The following KIRREL3 variants were observed in gnomAD, a reference collection of about 807,000 sequenced individuals.
KIRREL3 encodes the protein kin of IRRE-like protein 3.
In KIRREL3, 36 loss-of-function variants were observed where a neutral mutation model predicts 89.7. That is an observed-to-expected ratio of 0.40 (90% confidence interval 0.31 to 0.53). The LOEUF (loss-of-function observed/expected upper bound fraction) is 0.53. Among genes scored for constraint, KIRREL3 ranks in the 20% least tolerant of loss-of-function variants. The pLI is 0.49. For synonymous variants in KIRREL3, 445 were observed against 441.4 expected, an observed-to-expected ratio of 1.01 and a Z score of -0.10; for missense variants, 864 against 1,056.6, an observed-to-expected ratio of 0.82 and a Z score of 2.53.
intron 1 of KIRREL3, among the ~76,000 whole-genome samples, chr11:126,823,990 A>G (rs1460236095): frequency 1.3e-5 from 2 of 152,160 alleles, no homozygotes; most frequent in Non-Finnish European, 2.9e-5. Context: ...CATCTCTCAA[A>G]ATAAGATCAA....
At position 126,807,759 on chromosome 11, in the gene KIRREL3, G is replaced by T. The variant is rs909240285; in HGVS notation, c.55+192696C>A. 2.6e-4 allele frequency among the ~76,000 whole-genome samples: 40 copies of T among 152,180 alleles called. No individual in the cohort carries two copies. The highest frequency in any genetic ancestry group is 3.2e-3 in the Middle Eastern group (1 of 316). On this transcript the variant is annotated intron_variant, in intron 1 of 16. Transcript: ENST00000525144. The surrounding 1 kb of genome is among the most constrained non-coding windows in gnomAD (Gnocchi z 4.3). ...TCTTCTACATGTCTACTCTGATGTG[G>T]TTGGAGAGTCCTTTAATGGGTGCTG... is the stretch of plus-strand genomic sequence containing the variant.
At position 126,675,846 on chromosome 11, in the gene KIRREL3, A is replaced by G. The variant is rs143305045; in HGVS notation, c.56-112934T>C. On this transcript the variant is annotated intron_variant, in intron 1 of 16. Coordinates refer to ENST00000525144, the MANE Select transcript of KIRREL3 (RefSeq NM_032531.4). ...ATGGGTAATGGATTAATGAGGAGAG[A>G]CTGGAAGCTTGGAGGCCACTTAGGA... Among the ~76,000 whole-genome samples the G allele has an allele frequency of 1.4e-4, 22 of 152,282 alleles. No homozygotes were observed. The East Asian group carries it at 2.9e-3, about 20-fold the overall frequency.
chr11:127,000,370 G>GCCTGCCCACGTT lies in KIRREL3; in HGVS notation c.55+73_55+84dup. On this transcript the variant is annotated intron_variant, in intron 1 of 16. Coordinates refer to ENST00000525144, the MANE Select transcript of KIRREL3 (RefSeq NM_032531.4). The surrounding 1 kb of genome is among the most constrained non-coding windows in gnomAD (Gnocchi z 7.1). Reference sequence around the variant, plus strand: ...GCATCCATCAGTCCGAGTTCCCGAAGCCTGCCCACGTTCCTGCCCACAGCC... The same window carrying GCCTGCCCACGTT: ...GCATCCATCAGTCCGAGTTCCCGAAGCCTGCCCACGTTCCTGCCCACGTTCCTGCCCACAGCC... 8.6e-7 allele frequency: 1 copy of GCCTGCCCACGTT among 1,165,224 alleles called. No homozygotes were observed. Among genetic ancestry groups the GCCTGCCCACGTT allele is most frequent in the Non-Finnish European group, 1.2e-6 (1 of 815,896 alleles). 72.2% of individuals were successfully genotyped at this position (1,165,224 alleles called of 1,614,324 possible).
chr11:126,903,946 G>C lies in KIRREL3; in HGVS notation c.55+96509C>G, dbSNP rs571885443. ...GAAAGTAATCCCTTGGTTCACCCTG[G>C]AACAGAACCAGTTCTTTACAAGGTG... On this transcript the variant is annotated intron_variant, in intron 1 of 16. Coordinates refer to ENST00000525144, the MANE Select transcript of KIRREL3 (RefSeq NM_032531.4). The surrounding 1 kb of genome is among the most constrained non-coding windows in gnomAD (Gnocchi z 4.5). 6.6e-6 allele frequency among the ~76,000 whole-genome samples: 1 copy of C among 152,250 alleles called. No individual in the cohort carries two copies. Among genetic ancestry groups the C allele is most frequent in the Admixed American group, 6.5e-5 (1 of 15,284 alleles).
In KIRREL3 at chr11:126,985,806, C is replaced by T. The variant is rs181544182; in HGVS notation, c.55+14649G>A. ...GCTGATGATTTGGTTATTGTCACAG[C>T]GGAGCTACTGACATAGTTCAATGAT... is the stretch of plus-strand genomic sequence containing the variant. On this transcript the variant is annotated intron_variant, in intron 1 of 16. Transcript: ENST00000525144. This position sits in a 1 kb window ranked among gnomAD's most constrained non-coding sequence, Gnocchi z 5.3. Among the ~76,000 whole-genome samples the T allele has an allele frequency of 1.7e-3, 260 of 152,248 alleles. No individual in the cohort carries two copies. The highest frequency in any genetic ancestry group is 5.9e-3 in the African/African-American group (247 of 41,554).
In KIRREL3 at chr11:126,900,392, C is replaced by T. The variant is rs1357340317; in HGVS notation, c.55+100063G>A. Among the ~76,000 whole-genome samples, 1 of 152,126 alleles carries T rather than the reference C, an allele frequency of 6.6e-6. No homozygotes were observed. Among genetic ancestry groups the T allele is most frequent in the Non-Finnish European group, 1.5e-5 (1 of 68,018 alleles). ...CAGAGAAGTCTAGAAATAGAAATAACAAACACAAAAAAGAAAGCCTGCATG... is the reference window on the plus strand; with the variant it reads ...CAGAGAAGTCTAGAAATAGAAATAATAAACACAAAAAAGAAAGCCTGCATG... On this transcript the variant is annotated intron_variant, in intron 1 of 16. Coordinates refer to ENST00000525144, the MANE Select transcript of KIRREL3 (RefSeq NM_032531.4). This position sits in a 1 kb window ranked among gnomAD's most constrained non-coding sequence, Gnocchi z 4.4.
At chr11:126,581,212 T>C (rs921252905) in intron 1 of KIRREL3, among the ~76,000 whole-genome samples, 6 of 150,692 alleles carry the variant, frequency 4.0e-5, no homozygotes, top group Admixed American at 3.3e-4. Flanking sequence ...TTATATTGAA[T>C]TTTTTTTTGA....
chr11:126,907,630 A>G (rs1946640584), intron 1 of KIRREL3, among the ~76,000 whole-genome samples: 1 of 152,216 alleles, frequency 6.6e-6, no homozygotes, highest in South Asian at 2.1e-4. Flanking sequence ...CAACTATGGC[A>G]AGGTTTGGAG....
intron 1 of KIRREL3, among the ~76,000 whole-genome samples, chr11:126,794,236 T>G (rs150865021): frequency 1.2e-3 from 189 of 152,348 alleles, no homozygotes; most frequent in African/African-American, 4.4e-3. Flanking sequence ...TTAGGTGTCT[T>G]TAGCAGTTAC....
intron 1 of KIRREL3, among the ~76,000 whole-genome samples, chr11:126,726,716 C>T (rs1474739415): frequency 6.6e-6 from 1 of 152,178 alleles, no homozygotes; most frequent in African/African-American, 2.4e-5. Context: ...TCTACCTTTC[C>T]AGCTGTTTTT....
intron 6 of KIRREL3, among the ~76,000 whole-genome samples, chr11:126,458,740 C>T (rs1394800129): frequency 3.3e-5 from 5 of 152,166 alleles, no homozygotes; most frequent in Non-Finnish European, 5.9e-5. Context: ...GCCTGCCTTT[C>T]GTGGGGAATT....
chr11:126,688,130 G>T (rs1363265916), intron 1 of KIRREL3, among the ~76,000 whole-genome samples: 1 of 152,206 alleles, frequency 6.6e-6, no homozygotes, highest in Non-Finnish European at 1.5e-5. Context: ...GGAGAGCTTG[G>T]CCTTATTGCC....
chr11:126,890,356 T>C lies in KIRREL3; in HGVS notation c.55+110099A>G, dbSNP rs1260550289. ...CATGCCAGAGTCTAGAGGGAAGAGC[T>C]TGGGGCTCAGAGACTGAGCAGTCCT... On this transcript the variant is annotated intron_variant, in intron 1 of 16. Transcript: ENST00000525144. The surrounding 1 kb of genome is among the most constrained non-coding windows in gnomAD (Gnocchi z 5.1). Among the ~76,000 whole-genome samples, 2 of 152,204 alleles carry C rather than the reference T, an allele frequency of 1.3e-5. No homozygotes were observed. Among genetic ancestry groups the C allele is most frequent in the African/African-American group, 4.8e-5 (2 of 41,452 alleles).
At position 126,544,698 on chromosome 11, in the gene KIRREL3, C is replaced by T. The variant is rs1320154774; in HGVS notation, c.134-18011G>A. On this transcript the variant is annotated intron_variant, in intron 2 of 16. Transcript: ENST00000525144. The surrounding 1 kb of genome is among the most constrained non-coding windows in gnomAD (Gnocchi z 5.6). ...ACGGGGCTGCTTTTTGTATCTGGGC[C>T]AGTGGGTGGAGAGTGCAGGGAGCTG... is the stretch of plus-strand genomic sequence containing the variant. Among the ~76,000 whole-genome samples the T allele has an allele frequency of 6.6e-6, 1 of 152,142 alleles. No individual in the cohort carries two copies. Among genetic ancestry groups the T allele is most frequent in the Non-Finnish European group, 1.5e-5 (1 of 68,034 alleles).
chr11:126,823,360 T>G (rs1036122039), intron 1 of KIRREL3, among the ~76,000 whole-genome samples: 10 of 152,232 alleles, frequency 6.6e-5, no homozygotes, highest in Non-Finnish European at 1.0e-4. Context: ...TGCTTTTCAT[T>G]ACAGGCTCAT....
chr11:126,673,803 GA>G, intron 1 of KIRREL3, among the ~76,000 whole-genome samples: 1 of 152,330 alleles, frequency 6.6e-6, no homozygotes, highest in South Asian at 2.1e-4. Context: ...TAGAAGCAAT[GA>G]AAGAAGCTCT....
Position 126,429,410 on chromosome 11 carries a change from C to T in KIRREL3, c.1697-122G>A. ...CTGCATTTCCCCTCCAGCCCCTGAA[C>T]TCAGCAGCTTCACCAGCCCCCCACC... On this transcript the variant is annotated intron_variant, in intron 14 of 16. Transcript: ENST00000525144. The surrounding 1 kb of genome is among the most constrained non-coding windows in gnomAD (Gnocchi z 5.2). 1.5e-6 allele frequency: 1 copy of T among 688,046 alleles called. No individual in the cohort carries two copies. 42.6% of individuals were successfully genotyped at this position (688,046 alleles called of 1,614,324 possible). A position where few individuals can be genotyped will look rare whatever the true frequency, so the allele number is the denominator to read the frequency against.
At chr11:126,517,136 A>AAGAGAGAAAGAGAGAGAGAG (rs1958437696) in intron 4 of KIRREL3, among the ~76,000 whole-genome samples, 68 of 140,894 alleles carry the variant, frequency 4.8e-4, no homozygotes, top group Non-Finnish European at 8.7e-4. Context: ...GAGAGAGAGA[A>AAGAGAGAAAGAGAGAGAGAG]AGAGAGAGAG....
Position 126,882,652 on chromosome 11 carries a change from A to T in KIRREL3, c.55+117803T>A, listed in dbSNP as rs190626827. 3.9e-5 allele frequency among the ~76,000 whole-genome samples: 6 copies of T among 152,334 alleles called. No homozygotes were observed. In the East Asian group the frequency reaches 1.2e-3, roughly 29 times the overall value. ...TTTCATGCTTTCTGGTGCTGCCAAC[A>T]AATGTTGCAAAGGCAAGAGCCGATC... On this transcript the variant is annotated intron_variant, in intron 1 of 16. Transcript: ENST00000525144.
Sources: allele counts gnomAD v4.1 joint callset (sites outside exome capture counted in the v4.1 genomes callset), GRCh38; gene constraint gnomAD v4.1.1; non-coding constraint Gnocchi (gnomAD v3.1); transcripts MANE v1.5; gene names NCBI Gene and HGNC (gene_info 2026-07-23, HGNC 2026-07-21).